Variants in EEFSEC observed in about 807,000 individuals in gnomAD.
EEFSEC encodes the protein selenocysteine-specific elongation factor.
In EEFSEC, 43 loss-of-function variants were observed where a neutral mutation model predicts 42.1. That is an observed-to-expected ratio of 1.02 (90% CI 0.80 to 1.32). The LOEUF (loss-of-function observed/expected upper bound fraction) is 1.32. Among genes scored for constraint, EEFSEC ranks in the 40% most tolerant of loss-of-function variants. The pLI is 0.00. For synonymous variants in EEFSEC, 354 were observed against 339.1 expected (o/e 1.04, Z -0.48); for missense variants, 745 against 803.6 (o/e 0.93, Z 0.88).
chr3:128,373,446 C>T (rs970622389), intron 6 of EEFSEC, among the ~76,000 whole-genome samples: 2 of 152,202 alleles, frequency 1.3e-5, no homozygotes, highest in African/African-American at 4.8e-5. Context: ...CCCAGGGCCA[C>T]TCCTGGAACC....
At chr3:128,264,162 G>A (rs1266168801) in intron 3 of EEFSEC, among the ~76,000 whole-genome samples, 1 of 152,192 alleles carries the variant, frequency 6.6e-6, no homozygotes, top group Non-Finnish European at 1.5e-5. Context: ...TCTGGCATAC[G>A]TCAGGGAGTG....
In EEFSEC at chr3:128,153,528, C is replaced by T. The variant is rs959615272; in HGVS notation, c.21C>T (p.Asn7=). The T allele has an allele frequency of 3.3e-6, 5 of 1,516,026 alleles. No homozygotes were observed. The highest frequency in any genetic ancestry group is 2.9e-5 in the African/African-American group (2 of 69,146). The allele number at this position is 1,516,026 out of a possible 1,614,324, so 93.9% of individuals were successfully genotyped here. The change falls in exon 1 of 7, where the codon AAC becomes AAT. Residue 7 remains asparagine, a synonymous_variant. Transcript: ENST00000254730. ...GCGGCATGGCAGGGCGGCGGGTGAA[C>T]GTGAACGTGGGCGTGCTGGGCCACA... MAGRRV[N]VNVGVLGHID...
chr3:128,330,199 T>A (rs1172264240), intron 4 of EEFSEC, among the ~76,000 whole-genome samples: 1 of 152,236 alleles, frequency 6.6e-6, no homozygotes, highest in African/African-American at 2.4e-5. Context: ...AGCTCCCTGG[T>A]AGGCCCCTTG....
intron 5 of EEFSEC, 111 bp downstream of exon 5, chr3:128,342,000 G>A (rs757519188): frequency 1.5e-5 from 21 of 1,395,110 alleles, no homozygotes; most frequent in African/African-American, 2.9e-5. Flanking sequence ...AGACCTTCTG[G>A]TGCCAACCTC....
intron 3 of EEFSEC, among the ~76,000 whole-genome samples, chr3:128,264,404 G>A (rs773954806): frequency 7.2e-5 from 11 of 152,196 alleles, no homozygotes; most frequent in Non-Finnish European, 1.0e-4. Flanking sequence ...AGACTGAGCG[G>A]AAAGAGCTGA....
intron 5 of EEFSEC, among the ~76,000 whole-genome samples, chr3:128,350,329 C>T (rs779767943): frequency 7.9e-4 from 120 of 152,304 alleles, no homozygotes; most frequent in Middle Eastern, 3.4e-3. Flanking sequence ...TGGGCCCTAG[C>T]GGGTCAGCTG....
chr3:128,165,288 T>C (rs1036290610), intron 1 of EEFSEC, among the ~76,000 whole-genome samples: 2 of 152,254 alleles, frequency 1.3e-5, no homozygotes, highest in Non-Finnish European at 2.9e-5. Context: ...CAGAAGCTGC[T>C]CTCAGACCTT....
intron 6 of EEFSEC, 150 bp downstream of exon 6, chr3:128,358,523 C>A: frequency 1.7e-6 from 2 of 1,153,484 alleles, no homozygotes; most frequent in South Asian, 1.6e-5. Context: ...GGCAGCATGG[C>A]CTCTGGCTGG....
the EEFSEC span, among the ~76,000 whole-genome samples, chr3:128,419,914 G>A: frequency 2.0e-5 from 3 of 152,322 alleles, no homozygotes; most frequent in Admixed American, 1.3e-4. Context: ...GGTTTGTCAT[G>A]CCTAGGAGTT....
chr3:128,212,694 C>T (rs573352226), intron 1 of EEFSEC, among the ~76,000 whole-genome samples: 26 of 152,264 alleles, frequency 1.7e-4, no homozygotes, highest in Admixed American at 1.5e-3. Flanking sequence ...AAATGGCATT[C>T]GAGAGGAGTA....
chr3:128,358,947 C>T (rs757936442), intron 6 of EEFSEC, among the ~76,000 whole-genome samples: 6 of 152,166 alleles, frequency 3.9e-5, no homozygotes, highest in Non-Finnish European at 5.9e-5. Context: ...TGCATTTATT[C>T]AGCCTACACT....
At chr3:128,331,980 G>A (rs2067138643) in intron 4 of EEFSEC, among the ~76,000 whole-genome samples, 2 of 152,110 alleles carry the variant, frequency 1.3e-5, no homozygotes, top group South Asian at 4.1e-4. Flanking sequence ...ACAATTTGAT[G>A]TATAAAGAAA....
chr3:128,258,493 C>T (rs2066265584), intron 2 of EEFSEC, among the ~76,000 whole-genome samples: 1 of 152,182 alleles, frequency 6.6e-6, no homozygotes, highest in Non-Finnish European at 1.5e-5. Flanking sequence ...TAATACCTGA[C>T]ATCATTGCTG....
intron 5 of EEFSEC, among the ~76,000 whole-genome samples, chr3:128,343,470 G>T (rs1467009738): frequency 6.6e-6 from 1 of 152,138 alleles, no homozygotes; most frequent in Non-Finnish European, 1.5e-5. Context: ...GGGGCCGCTG[G>T]GGCCTGCTCA....
intron 1 of EEFSEC, among the ~76,000 whole-genome samples, chr3:128,167,476 A>G (rs76569438): frequency 0.011 from 1,710 of 152,388 alleles, 23 homozygotes; most frequent in African/African-American, 0.039. Context: ...ATAGAGTTCA[A>G]CAGTGGAGGA....
intron 1 of EEFSEC, among the ~76,000 whole-genome samples, chr3:128,235,007 G>A (rs1281116648): frequency 6.6e-6 from 1 of 151,930 alleles, no homozygotes; most frequent in Non-Finnish European, 1.5e-5. Flanking sequence ...TTCACTTATG[G>A]TAAATTATGC....
intron 1 of EEFSEC, among the ~76,000 whole-genome samples, chr3:128,185,059 G>A (rs2065451065): frequency 1.3e-5 from 2 of 152,130 alleles, no homozygotes; most frequent in African/African-American, 4.8e-5. Context: ...ATACAAGTCT[G>A]CCATACCTTA....
chr3:128,156,684 G>T (rs1384636761), intron 1 of EEFSEC, among the ~76,000 whole-genome samples: 1 of 152,194 alleles, frequency 6.6e-6, no homozygotes, highest in African/African-American at 2.4e-5. Flanking sequence ...AGTGATCTTT[G>T]ATGTTACTAT....
At chr3:128,422,670 C>A in the EEFSEC span, among the ~76,000 whole-genome samples, 1 of 152,256 alleles carries the variant, frequency 6.6e-6, no homozygotes, top group East Asian at 1.9e-4. Context: ...TTTCCTCAAC[C>A]CTTGCTTGGG....
Sources: gnomAD v4.1 joint callset for allele counts (sites outside exome capture counted in the v4.1 genomes callset) on GRCh38, gnomAD v4.1.1 for gene constraint, MANE v1.5 for transcripts, NCBI Gene and HGNC (gene_info 2026-07-23, HGNC 2026-07-21) for gene names.